FHIT: variants seen among roughly 807,000 people sequenced by gnomAD.
The protein encoded by FHIT is bis(5'-adenosyl)-triphosphatase.
Under a neutral mutation model 17.9 loss-of-function variants are expected in FHIT, and 19 were observed. The ratio of observed to expected loss-of-function variants is 1.06; its 90% CI spans 0.74 to 1.56. The LOEUF is 1.56. Ranked by LOEUF, FHIT falls within the 40% of genes most tolerant of loss-of-function variation. FHIT has a pLI of 0.00. For missense variants in FHIT, 248 were observed against 189.2 expected, an observed-to-expected ratio of 1.31 and a Z score of -1.82; for synonymous variants, 81 against 69.7, an observed-to-expected ratio of 1.16 and a Z score of -0.81.
chr3:60,448,681 A>G (rs938792644), intron 5 of FHIT, among the ~76,000 whole-genome samples: 2 of 152,102 alleles, frequency 1.3e-5, no homozygotes, highest in Admixed American at 1.3e-4. Context: ...AGCATTGATC[A>G]TTTTCCCTGC....
intron 2 of FHIT, among the ~76,000 whole-genome samples, chr3:61,182,781 A>G (rs750753024): frequency 1.3e-5 from 2 of 152,176 alleles, no homozygotes; most frequent in Admixed American, 1.3e-4. Context: ...GTCACAAGCT[A>G]TGAGAAGTAA....
intron 3 of FHIT, among the ~76,000 whole-genome samples, chr3:60,948,336 A>G (rs1209136498): frequency 1.3e-5 from 2 of 152,182 alleles, no homozygotes; most frequent in African/African-American, 4.8e-5. Context: ...CCTTGGATCC[A>G]TTTTGGGTCC....
chr3:61,104,449 T>C (rs1259660478), intron 2 of FHIT, among the ~76,000 whole-genome samples: 1 of 152,230 alleles, frequency 6.6e-6, no homozygotes, highest in Admixed American at 6.5e-5. Flanking sequence ...GTTACTCTGA[T>C]GAACTTCCCT....
At chr3:60,732,672 C>G (rs2042055062) in intron 4 of FHIT, 4 of 324,428 alleles carry the variant, frequency 1.2e-5, no homozygotes, top group Non-Finnish European at 2.4e-5. Context: ...GTGGCAGCGT[C>G]TGCAAAGACT....
At chr3:60,577,422 T>TA (rs2037606985) in intron 4 of FHIT, among the ~76,000 whole-genome samples, 1 of 152,158 alleles carries the variant, frequency 6.6e-6, no homozygotes, top group Non-Finnish European at 1.5e-5. Context: ...GTCCATTAAA[T>TA]ATCTGAATTA....
At chr3:61,211,599 G>T (rs1256880433) in intron 1 of FHIT, among the ~76,000 whole-genome samples, 1 of 152,252 alleles carries the variant, frequency 6.6e-6, no homozygotes, top group Admixed American at 6.5e-5. Context: ...CAAAAAGACA[G>T]CAGTAACCTC....
At chr3:60,531,479 C>T (rs1036283542) in intron 5 of FHIT, among the ~76,000 whole-genome samples, 2 of 151,834 alleles carry the variant, frequency 1.3e-5, no homozygotes, top group Non-Finnish European at 2.9e-5. Context: ...GGGGTTTCAC[C>T]GTGTTAGCCA....
At chr3:59,820,353 C>T (rs1375381055) in intron 8 of FHIT, among the ~76,000 whole-genome samples, 1 of 152,232 alleles carries the variant, frequency 6.6e-6, no homozygotes, top group East Asian at 1.9e-4. Flanking sequence ...CAGTGAACAA[C>T]TTAGTACCAG....
intron 7 of FHIT, among the ~76,000 whole-genome samples, chr3:59,993,565 T>C (rs1477727366): frequency 6.6e-6 from 1 of 151,940 alleles, no homozygotes; most frequent in African/African-American, 2.4e-5. Flanking sequence ...AGAGAAGGTG[T>C]CTTCTCTCAA....
At chr3:60,138,767 C>T (rs1699918440) in intron 5 of FHIT, among the ~76,000 whole-genome samples, 1 of 152,064 alleles carries the variant, frequency 6.6e-6, no homozygotes, top group Non-Finnish European at 1.5e-5. Flanking sequence ...GAAAGACATC[C>T]AGGATGACCA....
intron 3 of FHIT, among the ~76,000 whole-genome samples, chr3:60,943,892 A>G (rs2061376398): frequency 6.6e-6 from 1 of 152,104 alleles, no homozygotes; most frequent in Admixed American, 6.5e-5. Flanking sequence ...TACCTATAAC[A>G]TGAAAATAAG....
chr3:60,629,969 C>T (rs782635219), intron 4 of FHIT, among the ~76,000 whole-genome samples: 9 of 152,160 alleles, frequency 5.9e-5, no homozygotes, highest in Non-Finnish European at 8.8e-5. Flanking sequence ...TTTTGAATGA[C>T]AGTGTCAGGA....
intron 4 of FHIT, among the ~76,000 whole-genome samples, chr3:60,567,440 T>C (rs573220921): frequency 5.6e-4 from 86 of 152,308 alleles, no homozygotes; most frequent in African/African-American, 2.0e-3. Context: ...CCTTACACCT[T>C]ATACAAAAAT....
intron 2 of FHIT, among the ~76,000 whole-genome samples, chr3:61,183,824 G>A (rs76637355): frequency 0.047 from 7,043 of 151,032 alleles, 512 homozygotes; most frequent in East Asian, 0.27. Flanking sequence ...GGTTTTTCAC[G>A]TTTACAAAGA....
chr3:60,173,073 C>A (rs1272424177), intron 5 of FHIT, among the ~76,000 whole-genome samples: 4 of 152,116 alleles, frequency 2.6e-5, no homozygotes, highest in Non-Finnish European at 5.9e-5. Context: ...ATTACAGCAG[C>A]TGAAATTTGC....
Position 60,110,649 on chromosome 3 carries a change from G to A in FHIT, c.104-96497C>T, listed in dbSNP as rs149439253. Among the ~76,000 whole-genome samples, 175 of 152,216 alleles carry A rather than the reference G, an allele frequency of 1.1e-3. 1 individual carries two copies. In the East Asian group the frequency reaches 0.024, roughly 20 times the overall value. On this transcript the variant is annotated intron_variant, in intron 5 of 9. Coordinates refer to ENST00000492590, the MANE Select transcript of FHIT (RefSeq NM_002012.4). ...ATCTGTAAAACAGACATACTAACAT[G>A]ACTTCATAGAGGTGTTTGAAATAGA...
chr3:60,645,179 C>T (rs6446143), intron 4 of FHIT, among the ~76,000 whole-genome samples: 3,913 of 152,202 alleles, frequency 0.026, 155 homozygotes, highest in African/African-American at 0.089. Context: ...AACAACCCCA[C>T]GTTGGCCCTC....
chr3:60,559,508 A>C (rs1437008263), intron 4 of FHIT, among the ~76,000 whole-genome samples: 1 of 152,074 alleles, frequency 6.6e-6, no homozygotes, highest in Non-Finnish European at 1.5e-5. Flanking sequence ...TCATTTAATA[A>C]GGTTTTTATT....
In FHIT at chr3:59,846,131, T is replaced by G. The variant is rs1300756588; in HGVS notation, c.348+76215A>C. Among the ~76,000 whole-genome samples, 3 of 152,284 alleles carry G rather than the reference T, an allele frequency of 2.0e-5. No individual in the cohort carries two copies. In the East Asian group the frequency reaches 5.8e-4, roughly 29 times the overall value. ...AGGTTTGATTCTGTCATTTTGTGAC[T>G]TGTTTTCTATATGCCTTATAGGTTT... On this transcript the variant is annotated intron_variant, in intron 8 of 9. Coordinates refer to ENST00000492590, the MANE Select transcript of FHIT (RefSeq NM_002012.4).
Sources: allele counts gnomAD v4.1 joint callset (sites outside exome capture counted in the v4.1 genomes callset), GRCh38; gene constraint gnomAD v4.1.1; transcripts MANE v1.5; gene names NCBI Gene and HGNC (gene_info 2026-07-23, HGNC 2026-07-21).